The following ANK2 variants were observed in gnomAD, a reference collection of about 807,000 sequenced individuals.
ANK2 encodes ankyrin 2, also known as ankyrin-2.
Under a neutral mutation model 360.5 loss-of-function variants are expected in ANK2, and 83 were observed. That is an observed-to-expected ratio of 0.23 (90% CI 0.19 to 0.28). ANK2 has a LOEUF of 0.28. ANK2 is among the 10% of genes least tolerant of loss of function. The pLI, the probability that ANK2 is intolerant of heterozygous loss-of-function variation, is 1.00. For synonymous variants in ANK2, 1,740 were observed against 1,759.5 expected (o/e 0.99, Z 0.28); for missense variants, 4,201 against 4,795.7 (o/e 0.88, Z 3.66).
chr4:113,218,771 TG>T (rs2099116250), intron 4 of ANK2, among the ~76,000 whole-genome samples: 1 of 152,264 alleles, frequency 6.6e-6, no homozygotes, highest in South Asian at 2.1e-4. Flanking sequence ...TAAATAATTT[TG>T]GGGGGTGTAA....
rs768536932 is a variant in ANK2, at chr4:113,358,474, G to A, written c.9856G>A (p.Glu3286Lys). 33 of 1,613,898 alleles carry A rather than the reference G, an allele frequency of 2.0e-5. No homozygotes were observed. The highest frequency in any genetic ancestry group is 4.5e-5 in the East Asian group (2 of 44,888). ...CCCAGAAGAACAGAAATCAGTAATC[G>A]AGATTCCTACTGCACCCATGGAGAA... is the stretch of plus-strand genomic sequence containing the variant. ...SSPEEQKSVI[E>K]IPTAPMENVP... The change falls in exon 38 of 46, where the codon GAG becomes AAG. Residue 3286 changes from glutamate to lysine, a missense_variant. Glu to Lys is a moderately conservative substitution (Grantham distance 56, BLOSUM62 1). Transcript: ENST00000357077.
rs552784639 is a variant in ANK2, at chr4:112,876,667, C to T, written c.-39-27788C>T. 3.9e-4 allele frequency among the ~76,000 whole-genome samples: 60 copies of T among 152,286 alleles called. 1 individual carries two copies. The South Asian group carries it at 0.012, about 30-fold the overall frequency. ...CTGAGACTAGGCTAGAGCTCTTTCC[C>T]TGATTCTTACTGTTTGCCCAAGGCC... On this transcript the variant is annotated intron_variant, in intron 1 of 30. Transcript: ENST00000503271.
chr4:112,880,911 A>G (rs1462837131), intron 1 of ANK2: 1 of 152,202 alleles, frequency 6.6e-6, no homozygotes, highest in Admixed American at 6.5e-5. Flanking sequence ...CAATCCCTCA[A>G]TTGCTTGTTT....
chr4:113,132,986 G>A (rs1232298094), intron 1 of ANK2, among the ~76,000 whole-genome samples: 1 of 152,140 alleles, frequency 6.6e-6, no homozygotes, highest in African/African-American at 2.4e-5. Context: ...CCTCCAGCTG[G>A]AAGGATGCAC....
chr4:112,765,934 A>G, the ANK2 span, among the ~76,000 whole-genome samples: 1 of 152,150 alleles, frequency 6.6e-6, no homozygotes, highest in Non-Finnish European at 1.5e-5. Flanking sequence ...CTTACCTAAA[A>G]TGCTAATAGT....
upstream of ANK2, among the ~76,000 whole-genome samples, chr4:112,813,955 T>G (rs2055471082): frequency 6.6e-6 from 1 of 152,232 alleles, no homozygotes; most frequent in South Asian, 2.1e-4. Context: ...TTTCTTCTGT[T>G]CATTTGCTCT....
At chr4:113,229,862 A>G in intron 4 of ANK2, among the ~76,000 whole-genome samples, 1 of 152,084 alleles carries the variant, frequency 6.6e-6, no homozygotes, top group East Asian at 1.9e-4. Flanking sequence ...CTTTCTCTTG[A>G]TCTATCTACA....
chr4:113,342,438 C>T (rs555267497), intron 33 of ANK2, among the ~76,000 whole-genome samples: 66 of 152,168 alleles, frequency 4.3e-4, no homozygotes, highest in South Asian at 8.3e-4. Context: ...TGGTGGTTCA[C>T]GCCTGTATTC....
the ANK2 span, among the ~76,000 whole-genome samples, chr4:112,764,762 C>T: frequency 6.8e-6 from 1 of 146,358 alleles, no homozygotes; most frequent in Admixed American, 7.0e-5. Context: ...GGCTGGAGTG[C>T]AATGGTACGA....
intron 2 of ANK2, among the ~76,000 whole-genome samples, chr4:113,018,287 G>T (rs999208137): frequency 6.6e-6 from 1 of 152,170 alleles, no homozygotes; most frequent in Non-Finnish European, 1.5e-5. Flanking sequence ...CTATCATGGA[G>T]TAAGGGCCAT....
intron 2 of ANK2, among the ~76,000 whole-genome samples, chr4:113,182,909 G>A (rs1422499534): frequency 6.6e-6 from 1 of 152,134 alleles, no homozygotes; most frequent in Non-Finnish European, 1.5e-5. Context: ...AGAAATAATA[G>A]CTTTGTTTTG....
chr4:112,757,046 TC>T, the ANK2 span, among the ~76,000 whole-genome samples: 1 of 151,898 alleles, frequency 6.6e-6, no homozygotes, highest in Non-Finnish European at 1.5e-5. Flanking sequence ...AAAAAATTGT[TC>T]TTACATCACC....
At chr4:113,203,454 T>A (rs1380485599) in intron 4 of ANK2, among the ~76,000 whole-genome samples, 1 of 151,850 alleles carries the variant, frequency 6.6e-6, no homozygotes, top group Non-Finnish European at 1.5e-5. Flanking sequence ...AAAAAATACA[T>A]CTTTAATTTC....
rs183695048 is a variant in ANK2 at position 113,252,417 on chromosome 4, A to G, written c.990+2555A>G. On this transcript the variant is annotated intron_variant, in intron 10 of 45. Transcript: ENST00000357077. Reference sequence around the variant, plus strand: ...ACCCATTCTTTCTTCTGAAGCAACTATCTAAGTGTCACCCCCTCATTCTTT... The same window carrying G: ...ACCCATTCTTTCTTCTGAAGCAACTGTCTAAGTGTCACCCCCTCATTCTTT... Among the ~76,000 whole-genome samples the G allele has an allele frequency of 1.1e-4, 17 of 152,224 alleles. No homozygotes were observed. In the East Asian group the frequency reaches 1.9e-3, roughly 17 times the overall value.
chr4:113,128,276 TTAA>T (rs1394787646), intron 1 of ANK2, among the ~76,000 whole-genome samples: 1 of 152,184 alleles, frequency 6.6e-6, no homozygotes, highest in Non-Finnish European at 1.5e-5. Flanking sequence ...GTAAACTGAG[TTAA>T]TAATGATAAT....
chr4:113,288,935 G>T (rs1284291845), intron 20 of ANK2, among the ~76,000 whole-genome samples: 4 of 152,120 alleles, frequency 2.6e-5, no homozygotes, highest in Non-Finnish European at 5.9e-5. Context: ...GCTCAGTGAG[G>T]CAATAATGTA....
intron 35 of ANK2, among the ~76,000 whole-genome samples, chr4:113,347,119 T>A (rs2153994454): frequency 6.6e-6 from 1 of 152,272 alleles, no homozygotes; most frequent in African/African-American, 2.4e-5. Context: ...CCTATACTTC[T>A]TTTTCCCCAC....
At chr4:112,777,618 C>CTTT in the ANK2 span, among the ~76,000 whole-genome samples, 2 of 128,328 alleles carry the variant, frequency 1.6e-5, no homozygotes, top group African/African-American at 5.8e-5. Flanking sequence ...CATCTATAAT[C>CTTT]TTTTTTTTTT....
At chr4:113,166,799 A>G (rs2097768887) in intron 1 of ANK2, among the ~76,000 whole-genome samples, 1 of 152,140 alleles carries the variant, frequency 6.6e-6, no homozygotes, top group Non-Finnish European at 1.5e-5. Context: ...AGATCTCTGA[A>G]CCAGATCTGG....
Sources: allele counts gnomAD v4.1 joint callset (sites outside exome capture counted in the v4.1 genomes callset), GRCh38; gene constraint gnomAD v4.1.1; transcripts MANE v1.5; gene names NCBI Gene and HGNC (gene_info 2026-07-23, HGNC 2026-07-21).